The following UBE2E2 variants were observed in gnomAD, a reference collection of about 807,000 sequenced individuals.
UBE2E2 encodes ubiquitin conjugating enzyme E2 E2, also known as ubiquitin-conjugating enzyme E2 E2.
Under a neutral mutation model 24.7 loss-of-function variants are expected in UBE2E2, and 6 were observed. The ratio of observed to expected loss-of-function variants is 0.24; its 90% CI spans 0.13 to 0.48. UBE2E2 has a LOEUF of 0.48. UBE2E2 is among the 20% of genes least tolerant of loss of function. The probability of loss-of-function intolerance (pLI) is 0.99; values close to 1 mark genes in which losing one functional copy is unlikely to be tolerated. For synonymous variants in UBE2E2, 104 were observed against 83.6 expected, an observed-to-expected ratio of 1.24 and a Z score of -1.33; for missense variants, 169 against 245.0, an observed-to-expected ratio of 0.69 and a Z score of 2.07.
At chr3:23,341,994 A>G (rs926494020) in intron 3 of UBE2E2, among the ~76,000 whole-genome samples, 3 of 152,212 alleles carry the variant, frequency 2.0e-5, no homozygotes, top group Admixed American at 6.5e-5. Flanking sequence ...GTAAAAGAGA[A>G]CAAACATTTG....
intron 5 of UBE2E2, among the ~76,000 whole-genome samples, chr3:23,579,455 C>G (rs930812685): frequency 6.7e-6 from 1 of 149,072 alleles, no homozygotes; most frequent in African/African-American, 2.5e-5. Context: ...CTTTGGGAGG[C>G]TAGGTGGGAG....
At position 23,374,199 on chromosome 3, in the gene UBE2E2, T is replaced by C. The variant is rs150281605; in HGVS notation, c.228-125409T>C. On this transcript the variant is annotated intron_variant, in intron 3 of 5. Coordinates refer to ENST00000396703, the MANE Select transcript of UBE2E2 (RefSeq NM_152653.4). ...TTTAAATTTGTCGTATTCCCAGCTCTTTTAAATTAAAGAACCAATCATGGG... is the reference window on the plus strand; with the variant it reads ...TTTAAATTTGTCGTATTCCCAGCTCCTTTAAATTAAAGAACCAATCATGGG... Among the ~76,000 whole-genome samples, 758 of 152,314 alleles carry C rather than the reference T, an allele frequency of 5.0e-3. 6 individuals carry two copies. The highest frequency in any genetic ancestry group is 0.017 in the Middle Eastern group (5 of 294).
rs148323361 is a variant in UBE2E2 at position 23,266,677 on chromosome 3, T to C, written c.227+49365T>C. Among the ~76,000 whole-genome samples the C allele has an allele frequency of 5.1e-3, 780 of 152,240 alleles. 6 individuals are homozygous for C. Among genetic ancestry groups the C allele is most frequent in the African/African-American group, 0.018 (745 of 41,534 alleles). On this transcript the variant is annotated intron_variant, in intron 3 of 5. Coordinates refer to ENST00000396703, the MANE Select transcript of UBE2E2 (RefSeq NM_152653.4). ...GAAAGTTAAGAAGGATACCCAGGAATTGAACTCAGCTCCACACCAAGCAGA... is the reference window on the plus strand; with the variant it reads ...GAAAGTTAAGAAGGATACCCAGGAACTGAACTCAGCTCCACACCAAGCAGA...
At chr3:23,450,286 T>C (rs1698533472) in intron 3 of UBE2E2, among the ~76,000 whole-genome samples, 1 of 152,202 alleles carries the variant, frequency 6.6e-6, no homozygotes, top group Non-Finnish European at 1.5e-5. Flanking sequence ...ATGGAAATGT[T>C]CTCTCTCTGT....
chr3:23,305,390 T>A (rs914604457), intron 3 of UBE2E2, among the ~76,000 whole-genome samples: 1 of 152,248 alleles, frequency 6.6e-6, no homozygotes, highest in African/African-American at 2.4e-5. Flanking sequence ...TAATTTTTGC[T>A]GCTTTATCAA....
At chr3:23,378,595 A>G (rs944786636) in intron 3 of UBE2E2, among the ~76,000 whole-genome samples, 2 of 152,216 alleles carry the variant, frequency 1.3e-5, no homozygotes, top group Non-Finnish European at 2.9e-5. Context: ...ATAGCTCTCA[A>G]TTTTTAAAAA....
intron 3 of UBE2E2, among the ~76,000 whole-genome samples, chr3:23,221,029 T>C (rs1370996518): frequency 1.3e-5 from 2 of 152,204 alleles, no homozygotes; most frequent in African/African-American, 2.4e-5. Flanking sequence ...GTTCAAATGC[T>C]ATTATGATCT....
chr3:23,357,635 A>T (rs1695995633), intron 3 of UBE2E2, among the ~76,000 whole-genome samples: 1 of 152,186 alleles, frequency 6.6e-6, no homozygotes, highest in Non-Finnish European at 1.5e-5. Flanking sequence ...TGGGAGCTCC[A>T]TATCAGCAGC....
intron 3 of UBE2E2, among the ~76,000 whole-genome samples, chr3:23,344,835 A>AT (rs1695503812): frequency 6.7e-6 from 1 of 148,214 alleles, no homozygotes; most frequent in African/African-American, 2.5e-5. Context: ...AAAAAAAAAA[A>AT]TTAAATGTTG....
chr3:23,544,576 G>A (rs1469294749), intron 5 of UBE2E2, among the ~76,000 whole-genome samples: 3 of 152,328 alleles, frequency 2.0e-5, no homozygotes, highest in East Asian at 1.9e-4. Context: ...GTGGTGTGAA[G>A]GGAATGCTTG....
intron 3 of UBE2E2, among the ~76,000 whole-genome samples, chr3:23,405,403 A>T (rs1334993536): frequency 2.6e-5 from 4 of 152,184 alleles, no homozygotes; most frequent in Non-Finnish European, 2.9e-5. Context: ...CAGAGCCTGA[A>T]AAGCCAGCTC....
intron 3 of UBE2E2, among the ~76,000 whole-genome samples, chr3:23,443,777 T>C (rs1195665813): frequency 6.6e-6 from 1 of 152,208 alleles, no homozygotes; most frequent in Non-Finnish European, 1.5e-5. Flanking sequence ...TACACCCCTT[T>C]AACCACTGAG....
intron 3 of UBE2E2, among the ~76,000 whole-genome samples, chr3:23,330,108 C>G (rs1695019757): frequency 6.6e-6 from 1 of 152,178 alleles, no homozygotes; most frequent in African/African-American, 2.4e-5. Flanking sequence ...CTAGCCTTTC[C>G]TCAGCTTTCC....
chr3:23,362,362 G>A (rs556581423), intron 3 of UBE2E2, among the ~76,000 whole-genome samples: 6 of 152,228 alleles, frequency 3.9e-5, no homozygotes, highest in Non-Finnish European at 5.9e-5. Flanking sequence ...TTTGTGTGGG[G>A]GCAACTCTCG....
chr3:23,371,039 TTTTTAATAGAAATGGGG>T (rs1387899407), intron 3 of UBE2E2, among the ~76,000 whole-genome samples: 1 of 152,156 alleles, frequency 6.6e-6, no homozygotes, highest in Non-Finnish European at 1.5e-5. Flanking sequence ...TTAAAAAATT[TTTTTAATAGAAATGGGG>T]TTTTGCTCCA....
At chr3:23,531,072 G>C (rs1456920145) in intron 4 of UBE2E2, among the ~76,000 whole-genome samples, 1 of 152,204 alleles carries the variant, frequency 6.6e-6, no homozygotes, top group Non-Finnish European at 1.5e-5. Context: ...CATGATGCTA[G>C]AAGGGCAGTT....
chr3:23,499,498 A>G, intron 3 of UBE2E2, 110 bp from the exon 4 acceptor site: 1 of 1,362,508 alleles, frequency 7.3e-7, no homozygotes, highest in Non-Finnish European at 9.9e-7. Flanking sequence ...TAACTGATTA[A>G]CTTTTTGTGT....
At chr3:23,472,730 C>G (rs980124039) in intron 3 of UBE2E2, among the ~76,000 whole-genome samples, 19 of 151,614 alleles carry the variant, frequency 1.3e-4, no homozygotes, top group African/African-American at 4.4e-4. Context: ...CTCACTGCAG[C>G]CTCAACCTCC....
chr3:23,457,531 T>C (rs911426502), intron 3 of UBE2E2, among the ~76,000 whole-genome samples: 5 of 152,160 alleles, frequency 3.3e-5, no homozygotes, highest in Admixed American at 3.3e-4. Context: ...TTGCACTTTT[T>C]TTTGTTTTTT....
Sources: gnomAD v4.1 joint callset for allele counts (sites outside exome capture counted in the v4.1 genomes callset) on GRCh38, gnomAD v4.1.1 for gene constraint, MANE v1.5 for transcripts, NCBI Gene and HGNC (gene_info 2026-07-23, HGNC 2026-07-21) for gene names.